MTREX: variants seen among roughly 807,000 people sequenced by gnomAD.
The protein encoded by MTREX is exosome RNA helicase MTR4.
MTREX carries 76 observed loss-of-function variants against 135.4 expected under a neutral mutation model. The ratio of observed to expected loss-of-function variants is 0.56; its 90% CI spans 0.47 to 0.68. The LOEUF (loss-of-function observed/expected upper bound fraction) is 0.68, where lower values mean the gene tolerates loss of function less well. Ranked by LOEUF, MTREX falls within the 30% of genes least tolerant of loss-of-function variation. The pLI is 0.00. For synonymous variants in MTREX, 404 were observed against 401.6 expected (o/e 1.01, Z -0.07); for missense variants, 920 against 1,262.1 (o/e 0.73, Z 4.11).
chr5:55,321,863 C>T (rs1386791398), intron 1 of MTREX, among the ~76,000 whole-genome samples: 3 of 152,106 alleles, frequency 2.0e-5, no homozygotes, highest in Non-Finnish European at 4.4e-5. Flanking sequence ...CCACCTCGGC[C>T]TCCCAAAGTG....
rs35074192 is a variant in MTREX, at chr5:55,362,083, A to ATTTTTTT, written c.1659+3401_1659+3407dup. Among the ~76,000 whole-genome samples the ATTTTTTT allele has an allele frequency of 9.0e-3, 1,003 of 111,062 alleles. 34 individuals are homozygous for ATTTTTTT. The highest frequency in any genetic ancestry group is 0.032 in the African/African-American group (829 of 25,818). The allele number at this position is 111,062 out of a possible 152,430, so 72.9% of individuals were successfully genotyped here. A position where few individuals can be genotyped will look rare whatever the true frequency, so the allele number is the denominator to read the frequency against. On this transcript the variant is annotated intron_variant, in intron 15 of 26. Transcript: ENST00000230640. ...AGGCATGCACCACCACGTCTGGCTA[A>ATTTTTTT]TTTTTTTTTTTTTTTTTTTTTTGTA...
rs1561192148 is a variant in MTREX, at chr5:55,343,339, G to A, written c.790G>A (p.Val264Ile). 6.2e-7 allele frequency: 1 copy of A among 1,610,520 alleles called. No individual in the cohort carries two copies. The highest frequency in any genetic ancestry group is 8.5e-7 in the Non-Finnish European group (1 of 1,178,030). Residue 264 changes from valine to isoleucine, a missense_variant, in exon 8 of 27, where the codon GTA becomes ATA. Transcript: ENST00000230640. ...IHYMRDSERG[V>I]VWEETIILLP... ...ATATTTATTTTTTTCAGAACGTGGT[G>A]TAGTATGGGAAGAAACTATTATTTT...
At chr5:55,314,162 C>G (rs373161287) in intron 1 of MTREX, among the ~76,000 whole-genome samples, 2 of 152,130 alleles carry the variant, frequency 1.3e-5, no homozygotes, top group African/African-American at 4.8e-5. Context: ...TTCCTAGAAG[C>G]GAATTACTAG....
intron 16 of MTREX, among the ~76,000 whole-genome samples, chr5:55,374,889 A>C (rs1415968955): frequency 6.6e-6 from 1 of 152,154 alleles, no homozygotes; most frequent in Non-Finnish European, 1.5e-5. Context: ...TATTTTCCTT[A>C]AGCGTTGGCC....
At chr5:55,342,440 T>C (rs1749666299) in intron 7 of MTREX, among the ~76,000 whole-genome samples, 1 of 152,204 alleles carries the variant, frequency 6.6e-6, no homozygotes. Context: ...TCAGTAACTA[T>C]GAAATATGTG....
chr5:55,365,245 T>G (rs1185263866), intron 15 of MTREX, among the ~76,000 whole-genome samples: 1 of 152,188 alleles, frequency 6.6e-6, no homozygotes, highest in Non-Finnish European at 1.5e-5. Context: ...ATAAAGTAGA[T>G]GAAGTTCTTT....
intron 1 of MTREX, among the ~76,000 whole-genome samples, chr5:55,318,109 C>T (rs1353376645): frequency 6.6e-6 from 1 of 151,948 alleles, no homozygotes; most frequent in Non-Finnish European, 1.5e-5. Flanking sequence ...TTACTAAAAA[C>T]TAAAAAAATA....
chr5:55,325,675 A>G (rs1156402839), intron 3 of MTREX, among the ~76,000 whole-genome samples: 1 of 151,918 alleles, frequency 6.6e-6, no homozygotes, highest in South Asian at 2.1e-4. Context: ...ACATGGGTAT[A>G]TCGTGTAATG....
At chr5:55,399,463 T>C (rs1160390742) in intron 20 of MTREX, among the ~76,000 whole-genome samples, 1 of 152,188 alleles carries the variant, frequency 6.6e-6, no homozygotes, top group Non-Finnish European at 1.5e-5. Context: ...TTCTTTAAGC[T>C]AAAGGTCTCA....
At chr5:55,342,839 G>C (rs1416681002) in intron 7 of MTREX, among the ~76,000 whole-genome samples, 2 of 152,160 alleles carry the variant, frequency 1.3e-5, no homozygotes, top group Non-Finnish European at 2.9e-5. Context: ...GAGGGAAGCT[G>C]TCAAACTTTT....
chr5:55,382,204 C>T (rs1224210369), intron 18 of MTREX, among the ~76,000 whole-genome samples: 3 of 151,760 alleles, frequency 2.0e-5, no homozygotes, highest in Non-Finnish European at 4.4e-5. Flanking sequence ...TTTTTGTTTT[C>T]TGTGTCTTGT....
chr5:55,424,501 A>T, intron 26 of MTREX: 1 of 471,122 alleles, frequency 2.1e-6, no homozygotes. Context: ...GCCCCCATGG[A>T]GTATTTCAGA....
chr5:55,351,173 A>G (rs1452545516), intron 13 of MTREX, 144 bp downstream of exon 13: 20 of 981,258 alleles, frequency 2.0e-5, no homozygotes, highest in South Asian at 4.8e-5. Flanking sequence ...ATTTTTATAT[A>G]TGATGTTATA....
At chr5:55,390,212 C>T (rs1445703052) in intron 19 of MTREX, among the ~76,000 whole-genome samples, 1 of 152,150 alleles carries the variant, frequency 6.6e-6, no homozygotes, top group Non-Finnish European at 1.5e-5. Flanking sequence ...AAGTGATTCT[C>T]CTGCCTCAAC....
intron 26 of MTREX, chr5:55,423,252 C>G: frequency 2.7e-6 from 1 of 375,752 alleles, no homozygotes; most frequent in Non-Finnish European, 4.7e-6. Context: ...AAAAGACACC[C>G]CTGCCTTCAT....
At chr5:55,320,123 A>C (rs541593757) in intron 1 of MTREX, among the ~76,000 whole-genome samples, 1 of 152,284 alleles carries the variant, frequency 6.6e-6, no homozygotes, top group South Asian at 2.1e-4. Context: ...AGAATTTACA[A>C]ATTTTAGGTT....
chr5:55,390,816 A>G (rs1379447087), intron 19 of MTREX, among the ~76,000 whole-genome samples: 1 of 152,208 alleles, frequency 6.6e-6, no homozygotes, highest in Non-Finnish European at 1.5e-5. Flanking sequence ...TTGAGGATTA[A>G]GATACCAGTA....
At chr5:55,338,813 C>T (rs1749597080) in intron 5 of MTREX, among the ~76,000 whole-genome samples, 1 of 80,668 alleles carries the variant, frequency 1.2e-5, no homozygotes, top group Admixed American at 1.7e-4. Context: ...TTTTTTGAGA[C>T]ACAGTCTCAC....
intron 10 of MTREX, among the ~76,000 whole-genome samples, chr5:55,346,742 C>T (rs1039660704): frequency 6.6e-6 from 1 of 151,804 alleles, no homozygotes; most frequent in Non-Finnish European, 1.5e-5. Flanking sequence ...GCAAATATCT[C>T]CCCCCATTCT....
Sources: gnomAD v4.1 joint callset for allele counts (sites outside exome capture counted in the v4.1 genomes callset) on GRCh38, gnomAD v4.1.1 for gene constraint, MANE v1.5 for transcripts, NCBI Gene and HGNC (gene_info 2026-07-23, HGNC 2026-07-21) for gene names.